The following MPHOSPH9 variants were observed in gnomAD, a reference collection of about 807,000 sequenced individuals.
MPHOSPH9 encodes M-phase phosphoprotein 9.
In MPHOSPH9, 88 loss-of-function variants were observed where a neutral mutation model predicts 145.5. The ratio of observed to expected loss-of-function variants is 0.60; its 90% CI spans 0.51 to 0.72. The LOEUF (loss-of-function observed/expected upper bound fraction) is 0.72, where lower values mean the gene tolerates loss of function less well. Ranked by LOEUF, MPHOSPH9 falls within the 30% of genes least tolerant of loss-of-function variation. The pLI is 0.00. For synonymous variants in MPHOSPH9, 435 were observed against 486.2 expected (o/e 0.89, Z 1.39); for missense variants, 1,238 against 1,386.6 (o/e 0.89, Z 1.70).
chr12:123,243,901 G>GAA (rs1469778228), exon 1 of MPHOSPH9: 14 of 152,192 alleles, frequency 9.2e-5, no homozygotes, highest in Non-Finnish European at 1.6e-4. Flanking sequence ...CCTCCTCAGT[G>GAA]GGTATCTATC....
intron 4 of MPHOSPH9, among the ~76,000 whole-genome samples, chr12:123,222,550 A>T (rs1242598438): frequency 1.3e-5 from 2 of 152,082 alleles, no homozygotes; most frequent in African/African-American, 4.8e-5. Flanking sequence ...GCTACTCAGG[A>T]GGCTGGAGCA....
At chr12:123,229,817 G>A (rs551950574) in intron 2 of MPHOSPH9, among the ~76,000 whole-genome samples, 138 of 134,144 alleles carry the variant, frequency 1.0e-3, no homozygotes, top group Non-Finnish European at 1.7e-3. Context: ...ATCTGTCCCC[G>A]AACATTTTTT....
intron 16 of MPHOSPH9, among the ~76,000 whole-genome samples, chr12:123,172,506 T>A (rs1320570473): frequency 1.3e-5 from 2 of 152,134 alleles, no homozygotes; most frequent in African/African-American, 4.8e-5. Context: ...CTAATTTTTG[T>A]ATTTTTAATA....
At chr12:123,212,745 T>A (rs1015346493) in intron 7 of MPHOSPH9, among the ~76,000 whole-genome samples, 5 of 110,166 alleles carry the variant, frequency 4.5e-5, no homozygotes, top group East Asian at 3.3e-4. Context: ...CAGAGTACAA[T>A]CCCCAGCCTA....
At chr12:123,238,290 T>C (rs2047882049) in intron 1 of MPHOSPH9, among the ~76,000 whole-genome samples, 1 of 152,164 alleles carries the variant, frequency 6.6e-6, no homozygotes, top group Non-Finnish European at 1.5e-5. Flanking sequence ...GCTGGCCGTT[T>C]TGTCTTTTCA....
chr12:123,205,648 A>G (rs1454006901), intron 8 of MPHOSPH9, among the ~76,000 whole-genome samples: 2 of 152,150 alleles, frequency 1.3e-5, no homozygotes, highest in Non-Finnish European at 2.9e-5. Context: ...GCCTGTGAAG[A>G]GTAGCATTAC....
intron 16 of MPHOSPH9, among the ~76,000 whole-genome samples, chr12:123,170,172 T>A (rs1380620735): frequency 1.3e-5 from 2 of 150,668 alleles, no homozygotes; most frequent in Non-Finnish European, 3.0e-5. Context: ...AGACAGAGTC[T>A]CGCTCTGTCA....
upstream of MPHOSPH9, among the ~76,000 whole-genome samples, chr12:123,237,194 C>A (rs914402489): frequency 6.6e-6 from 1 of 152,126 alleles, no homozygotes; most frequent in Admixed American, 6.5e-5. Flanking sequence ...CTGTGGCTCA[C>A]GCCTGTAATC....
In MPHOSPH9 at chr12:123,242,731, A is replaced by G. The variant is rs145010837; in HGVS notation, c.-159+1122T>C. On this transcript the variant is annotated intron_variant, in intron 1 of 2. Coordinates refer to the MPHOSPH9 transcript ENST00000545406. ...AGAAAGGTAGAGATTCAAACAGTGG[A>G]CTGGTGACAAAGCAGCTGATAAAAG... Among the ~76,000 whole-genome samples, 56 of 152,302 alleles carry G rather than the reference A, an allele frequency of 3.7e-4. 1 individual carries two copies. The highest frequency in any genetic ancestry group is 1.3e-3 in the African/African-American group (52 of 41,572).
In MPHOSPH9 at chr12:123,202,145, G is replaced by A. The variant is rs759557415; in HGVS notation, c.1937+19C>T. ...CATCCAAGGTGGAGAAAACTTCACA[G>A]CTAAATTATAAATTTTACCTGTCTA... is the stretch of plus-strand genomic sequence containing the variant. On this transcript the variant is annotated intron_variant, in intron 11 of 23. Coordinates refer to ENST00000606320, the MANE Select transcript of MPHOSPH9 (RefSeq NM_022782.4). The A allele has an allele frequency of 1.9e-6, 3 of 1,589,664 alleles. No individual in the cohort carries two copies. Among genetic ancestry groups the A allele is most frequent in the South Asian group, 2.3e-5 (2 of 86,664 alleles).
At chr12:123,176,592 C>A (rs1555219388) in intron 16 of MPHOSPH9, 96 bp downstream of exon 16, 2 of 892,838 alleles carry the variant, frequency 2.2e-6, no homozygotes, top group Non-Finnish European at 3.5e-6. Flanking sequence ...TGACATTTAA[C>A]CCGGACTTTC....
rs147404504 is a variant in MPHOSPH9, at chr12:123,221,812, G to A, written c.432C>T (p.Asn144=). 1.2e-6 allele frequency: 2 copies of A among 1,613,604 alleles called. No homozygotes were observed. The highest frequency in any genetic ancestry group is 1.7e-6 in the Non-Finnish European group (2 of 1,179,934). ...SLASCEGNSS[N]KQVSSESQMG... Reference sequence around the variant, plus strand: ...TTTGACTTTCCGAAGATACTTGTTTGTTTGAAGAATTTCCTTCACAGGAAG... The same window carrying A: ...TTTGACTTTCCGAAGATACTTGTTTATTTGAAGAATTTCCTTCACAGGAAG... The change falls in exon 5 of 24, where the codon AAC becomes AAT. Residue 144 remains asparagine (N), a synonymous_variant. Transcript: ENST00000606320.
Position 123,221,386 on chromosome 12 carries a change from A to ACTGTATACTT in MPHOSPH9, c.848_857dup (p.Ser286ArgfsTer9). 1 of 1,591,996 alleles carries ACTGTATACTT rather than the reference A, an allele frequency of 6.3e-7. No individual in the cohort carries two copies. Among genetic ancestry groups the ACTGTATACTT allele is most frequent in the Non-Finnish European group, 8.5e-7 (1 of 1,171,766 alleles). On this transcript the variant is annotated frameshift_variant, in exon 5 of 24. Transcript: ENST00000606320. LOFTEE classifies it high-confidence loss of function. ...ATTCTACTTACCTATTTGTTTTCCCACTGTATACTTCAGAAACCTTATTTT... is the reference window on the plus strand; with the variant it reads ...ATTCTACTTACCTATTTGTTTTCCCACTGTATACTTCTGTATACTTCAGAAACCTTATTTT...
intron 16 of MPHOSPH9, among the ~76,000 whole-genome samples, chr12:123,167,093 C>T (rs1367975556): frequency 1.3e-5 from 2 of 152,080 alleles, no homozygotes; most frequent in Non-Finnish European, 2.9e-5. Context: ...CCTACTGTAG[C>T]TGAGGGTAAA....
intron 16 of MPHOSPH9, among the ~76,000 whole-genome samples, chr12:123,175,903 T>C (rs1458828355): frequency 6.6e-6 from 1 of 151,946 alleles, no homozygotes; most frequent in Admixed American, 6.6e-5. Context: ...TCTTACAATT[T>C]ATTTTATTTT....
At chr12:123,243,751 C>T (rs1035922845) in intron 1 of MPHOSPH9, 2 of 152,094 alleles carry the variant, frequency 1.3e-5, no homozygotes. Context: ...TGAAGGATAT[C>T]ATATTGTCAC....
At chr12:123,228,326 A>G (rs940476484) in intron 2 of MPHOSPH9, among the ~76,000 whole-genome samples, 3 of 152,176 alleles carry the variant, frequency 2.0e-5, no homozygotes, top group African/African-American at 4.8e-5. Flanking sequence ...TCTTTCACAA[A>G]TAATTTGTTT....
intron 6 of MPHOSPH9, among the ~76,000 whole-genome samples, chr12:123,217,387 C>T (rs952617932): frequency 1.1e-4 from 16 of 151,864 alleles, no homozygotes; most frequent in African/African-American, 3.4e-4. Flanking sequence ...TAGTTAGAGA[C>T]GGGGTTTCAC....
chr12:123,202,244 A>G lies in MPHOSPH9; in HGVS notation c.1857T>C (p.Asn619=). The change falls in exon 11 of 24, where the codon AAT becomes AAC. Residue 619 remains asparagine (N), a synonymous_variant. Coordinates refer to ENST00000606320, the MANE Select transcript of MPHOSPH9 (RefSeq NM_022782.4). ...TTGCCTCCAGCTTCTGTTTCAAACT[A>G]TTTATTTCTGATTCATAATAAGCTC... The part of the protein sequence containing the change: ...DLRAYYESEI[N]SLKQKLEAKE... The G allele has an allele frequency of 6.2e-7, 1 of 1,613,326 alleles. No individual in the cohort carries two copies. Among genetic ancestry groups the G allele is most frequent in the Non-Finnish European group, 8.5e-7 (1 of 1,179,826 alleles).
Sources: allele counts gnomAD v4.1 joint callset (sites outside exome capture counted in the v4.1 genomes callset), GRCh38; gene constraint gnomAD v4.1.1; transcripts MANE v1.5; gene names NCBI Gene and HGNC (gene_info 2026-07-23, HGNC 2026-07-21).